Variants in ACTR3B observed in about 807,000 individuals in gnomAD.
ACTR3B encodes actin related protein 3B, also known as actin-related protein 3B.
In ACTR3B, 8 loss-of-function variants were observed where a neutral mutation model predicts 59.0. That is an observed-to-expected ratio of 0.14 (90% CI 0.08 to 0.24). The LOEUF (loss-of-function observed/expected upper bound fraction) is 0.24, where lower values mean the gene tolerates loss of function less well. Among genes scored for constraint, ACTR3B ranks in the 10% least tolerant of loss-of-function variants. The pLI is 1.00. For synonymous variants in ACTR3B, 148 were observed against 197.9 expected (o/e 0.75, Z 2.12); for missense variants, 245 against 552.3 (o/e 0.44, Z 5.58).
chr7:152,816,468 G>A lies in ACTR3B; in HGVS notation c.433-13G>A, dbSNP rs1563123370. 4 of 1,551,518 alleles carry A rather than the reference G, an allele frequency of 2.6e-6. No individual in the cohort carries two copies. The highest frequency in any genetic ancestry group is 1.4e-5 in the African/African-American group (1 of 72,890). ...GTTCCTATGTGCGAGCGGTTTTCAT[G>A]TCTTTTCTCCAGGCAGTGCTGGCCT... On this transcript the variant is annotated splice_polypyrimidine_tract_variant and intron_variant, in intron 5 of 11. Coordinates refer to ENST00000256001, the MANE Select transcript of ACTR3B (RefSeq NM_020445.6).
intron 1 of ACTR3B, among the ~76,000 whole-genome samples, chr7:152,764,621 T>C (rs909783522): frequency 1.4e-5 from 2 of 146,118 alleles, no homozygotes; most frequent in African/African-American, 5.1e-5. Context: ...CACTCCAGCC[T>C]GGCAACAGCG....
intron 1 of ACTR3B, among the ~76,000 whole-genome samples, chr7:152,781,670 C>T (rs2098154431): frequency 3.3e-5 from 5 of 152,018 alleles, no homozygotes; most frequent in Admixed American, 3.3e-4. Context: ...GTTAGTAATT[C>T]ACTTATTTAT....
At chr7:152,770,783 C>T (rs1390083585) in intron 1 of ACTR3B, among the ~76,000 whole-genome samples, 8 of 135,174 alleles carry the variant, frequency 5.9e-5, no homozygotes, top group Non-Finnish European at 8.1e-5. Flanking sequence ...GTAAGCATGG[C>T]AACGAGTTGT....
intron 2 of ACTR3B, among the ~76,000 whole-genome samples, chr7:152,793,727 T>G (rs1446858258): frequency 1.3e-5 from 2 of 151,680 alleles, no homozygotes; most frequent in African/African-American, 4.8e-5. Context: ...ATGTTACTGG[T>G]TTTTGCCATG....
At chr7:152,853,724 T>C (rs1799029935) in intron 11 of ACTR3B, 147 bp downstream of exon 11, 1 of 724,034 alleles carries the variant, frequency 1.4e-6, no homozygotes, top group East Asian at 2.9e-5. Context: ...TTATATCTTT[T>C]TTGTTTTTTC....
At chr7:152,803,521 C>T (rs1351203736) in intron 4 of ACTR3B, among the ~76,000 whole-genome samples, 2 of 152,162 alleles carry the variant, frequency 1.3e-5, no homozygotes, top group Non-Finnish European at 2.9e-5. Flanking sequence ...GGCACCGAGC[C>T]CAGCTGCTTC....
At chr7:152,849,273 A>C (rs1563158806) in intron 9 of ACTR3B, among the ~76,000 whole-genome samples, 1 of 152,086 alleles carries the variant, frequency 6.6e-6, no homozygotes, top group Non-Finnish European at 1.5e-5. Flanking sequence ...GGGGTCTGCT[A>C]TGCTCAGGGC....
chr7:152,829,132 T>C (rs1796824803), intron 9 of ACTR3B, among the ~76,000 whole-genome samples: 1 of 151,868 alleles, frequency 6.6e-6, no homozygotes, highest in Non-Finnish European at 1.5e-5. Flanking sequence ...TTGATACAGG[T>C]ATGTACATCG....
At chr7:152,829,740 T>A (rs993442515) in intron 9 of ACTR3B, among the ~76,000 whole-genome samples, 1 of 152,164 alleles carries the variant, frequency 6.6e-6, no homozygotes, top group Non-Finnish European at 1.5e-5. Flanking sequence ...CCCAGGTGAC[T>A]CTAATGTGCT....
rs981856222 is a variant in ACTR3B at position 152,824,444 on chromosome 7, G to A, written c.859-586G>A. 2.0e-5 allele frequency among the ~76,000 whole-genome samples: 3 copies of A among 152,162 alleles called. No individual in the cohort carries two copies. Among genetic ancestry groups the A allele is most frequent in the African/African-American group, 7.2e-5 (3 of 41,442 alleles). On this transcript the variant is annotated intron_variant, in intron 8 of 11. Transcript: ENST00000256001. The surrounding 1 kb of genome is among the most constrained non-coding windows in gnomAD (Gnocchi z 4.2). ...TTTTTTAAAATATTTCAAATGAAAT[G>A]TAATTGAGTTGAATTTGTTATACTT...
chr7:152,806,275 T>A (rs2098251816), intron 4 of ACTR3B, among the ~76,000 whole-genome samples: 1 of 152,218 alleles, frequency 6.6e-6, no homozygotes, highest in Admixed American at 6.5e-5. Flanking sequence ...ATGGAGGGTT[T>A]GTGATTGTGG....
At chr7:152,788,025 A>G (rs1042804845) in intron 2 of ACTR3B, among the ~76,000 whole-genome samples, 4 of 151,982 alleles carry the variant, frequency 2.6e-5, no homozygotes, top group African/African-American at 9.7e-5. Flanking sequence ...CCCAGGTTCA[A>G]ATGATTCTCC....
In ACTR3B at chr7:152,834,406, G is replaced by A. The variant is rs534949198; in HGVS notation, c.951+9284G>A. 9.2e-5 allele frequency among the ~76,000 whole-genome samples: 14 copies of A among 152,236 alleles called. No individual in the cohort carries two copies. The East Asian group carries it at 2.5e-3, about 27-fold the overall frequency. ...TGACCTCAGGTGATCTGCCTGCCTC[G>A]GCCTCCCGAAGTGCTGGGATTACAA... is the stretch of plus-strand genomic sequence containing the variant. On this transcript the variant is annotated intron_variant, in intron 9 of 11. Transcript: ENST00000256001.
chr7:152,763,313 C>CA (rs925259822), intron 1 of ACTR3B, among the ~76,000 whole-genome samples: 1,074 of 20,492 alleles, frequency 0.052, 221 homozygotes, highest in Non-Finnish European at 0.084. Flanking sequence ...GACTCCATCT[C>CA]AAAAAAAAAA....
intron 1 of ACTR3B, 92 bp downstream of exon 1, chr7:152,760,018 C>T: frequency 8.6e-7 from 1 of 1,165,060 alleles, no homozygotes; most frequent in Non-Finnish European, 1.1e-6. Flanking sequence ...CTGCGTCCGT[C>T]GCCCCGGGCT....
At chr7:152,806,957 A>G (rs969892474) in intron 4 of ACTR3B, among the ~76,000 whole-genome samples, 3 of 152,058 alleles carry the variant, frequency 2.0e-5, no homozygotes, top group Admixed American at 1.3e-4. Context: ...TGCTTTCACA[A>G]CTCTGGCTGG....
intron 9 of ACTR3B, among the ~76,000 whole-genome samples, chr7:152,830,245 C>T (rs143087536): frequency 1.2e-3 from 185 of 152,196 alleles, no homozygotes; most frequent in Middle Eastern, 3.4e-3. Context: ...CAGATGCCTG[C>T]GGTGCCTGTT....
intron 2 of ACTR3B, among the ~76,000 whole-genome samples, chr7:152,784,144 T>A (rs535772873): frequency 1.8e-4 from 27 of 152,250 alleles, no homozygotes; most frequent in African/African-American, 6.0e-4. Flanking sequence ...AGGTTATTAT[T>A]TGGAAACAGT....
chr7:152,775,743 G>A (rs6953833), intron 1 of ACTR3B, among the ~76,000 whole-genome samples: 66,998 of 149,992 alleles, frequency 0.45, 15,613 homozygotes, highest in Non-Finnish European at 0.51. Flanking sequence ...CGGGCAACAA[G>A]AGCGAAACTC....
Sources: gnomAD v4.1 joint callset for allele counts (sites outside exome capture counted in the v4.1 genomes callset) on GRCh38, gnomAD v4.1.1 for gene constraint, Gnocchi (gnomAD v3.1) non-coding constraint, MANE v1.5 for transcripts, NCBI Gene and HGNC (gene_info 2026-07-23, HGNC 2026-07-21) for gene names.